Variants in DLGAP2 observed in about 807,000 individuals in gnomAD.
DLGAP2 encodes the protein DLG associated protein 2.
DLGAP2 carries 26 observed loss-of-function variants against 100.3 expected under a neutral mutation model. The ratio of observed to expected loss-of-function variants is 0.26; its 90% confidence interval spans 0.19 to 0.36. The LOEUF is 0.36. Among genes scored for constraint, DLGAP2 ranks in the 10% least tolerant of loss-of-function variants. DLGAP2 has a pLI of 1.00. For synonymous variants in DLGAP2, 886 were observed against 630.1 expected (o/e 1.41, Z -6.08); for missense variants, 1,858 against 1,453.2 (o/e 1.28, Z -4.53).
intron 3 of DLGAP2, among the ~76,000 whole-genome samples, chr8:1,468,560 T>A (rs1798693330): frequency 6.6e-6 from 1 of 152,222 alleles, no homozygotes; most frequent in South Asian, 2.1e-4. Context: ...TCCCAAGCCT[T>A]AGGCTCCTGG....
chr8:1,195,262 C>G (rs1182945085), intron 2 of DLGAP2, among the ~76,000 whole-genome samples: 2 of 152,232 alleles, frequency 1.3e-5, no homozygotes, highest in Non-Finnish European at 2.9e-5. Context: ...CTGCCTCCCG[C>G]TGGCCAAGCA....
rs1221231815 is a variant in DLGAP2, at chr8:1,705,974, C to G, written c.*4568C>G. 6.6e-6 allele frequency: 1 copy of G among 152,208 alleles called. No homozygotes were observed. The highest frequency in any genetic ancestry group is 2.4e-5 in the African/African-American group (1 of 41,438). 9.4% of individuals were successfully genotyped at this position (152,208 alleles called of 1,614,324 possible). A position where few individuals can be genotyped will look rare whatever the true frequency, so the allele number is the denominator to read the frequency against. The stretch of plus-strand genomic sequence containing the variant: ...TCAATGCAGTGTGCTTCATTCAGGG[C>G]CATGTGGCAGCCATGACACACACCA... On this transcript the variant is annotated 3_prime_UTR_variant, in exon 15 of 15. Coordinates refer to ENST00000637795, the MANE Select transcript of DLGAP2 (RefSeq NM_001346810.2).
At chr8:847,800 C>T (rs35388027) in intron 1 of DLGAP2, among the ~76,000 whole-genome samples, 38,038 of 152,126 alleles carry the variant, frequency 0.25, 5,570 homozygotes, top group East Asian at 0.76. Context: ...TGAGTCACTG[C>T]GCCTGGCCTT....
At chr8:836,059 T>G (rs1306970198) in intron 1 of DLGAP2, among the ~76,000 whole-genome samples, 1 of 152,184 alleles carries the variant, frequency 6.6e-6, no homozygotes, top group Non-Finnish European at 1.5e-5. Flanking sequence ...AATGCCGAGA[T>G]GTAAAGGACA....
chr8:1,190,250 A>G (rs1044617283), intron 2 of DLGAP2, among the ~76,000 whole-genome samples: 1 of 152,162 alleles, frequency 6.6e-6, no homozygotes, highest in African/African-American at 2.4e-5. Context: ...CTCCAAGTCC[A>G]CGGCACTCCC....
At chr8:842,036 C>A (rs1483594266) in intron 1 of DLGAP2, among the ~76,000 whole-genome samples, 2 of 152,150 alleles carry the variant, frequency 1.3e-5, no homozygotes. Flanking sequence ...TTCTCACATG[C>A]TCCCCTGTGT....
In DLGAP2 at chr8:1,480,584, TCA is replaced by T. The variant is rs1333841257; in HGVS notation, c.107-20778_107-20777del. On this transcript the variant is annotated intron_variant, in intron 3 of 14. Coordinates refer to ENST00000637795, the MANE Select transcript of DLGAP2 (RefSeq NM_001346810.2). ...AAAAGAACAGGCTGGACGCAGTGGC[TCA>T]CACCTGTAATCCCAGCACTTTGGGA... 4.6e-5 allele frequency among the ~76,000 whole-genome samples: 7 copies of T among 152,150 alleles called. No homozygotes were observed. The South Asian group carries it at 1.0e-3, about 23-fold the overall frequency.
At chr8:1,207,960 A>T (rs1197669613) in intron 2 of DLGAP2, among the ~76,000 whole-genome samples, 1 of 151,842 alleles carries the variant, frequency 6.6e-6, no homozygotes, top group Non-Finnish European at 1.5e-5. Context: ...AAGATTCTGG[A>T]TATGAGTCCT....
At chr8:848,891 ACGCGCGGTGCCTGTTC>A in intron 1 of DLGAP2, among the ~76,000 whole-genome samples, 1 of 99,640 alleles carries the variant, frequency 1.0e-5, no homozygotes, top group Middle Eastern at 7.1e-3. Context: ...CAGCATAGGA[ACGCGCGGTGCCTGTTC>A]CAGCATAGGA....
chr8:1,226,476 G>T (rs138604831), intron 2 of DLGAP2, among the ~76,000 whole-genome samples: 2 of 152,260 alleles, frequency 1.3e-5, no homozygotes, highest in East Asian at 3.9e-4. Flanking sequence ...CCTGTCAGGG[G>T]GCAAGGGGGA....
At chr8:1,179,195 G>A (rs796307587) in intron 2 of DLGAP2, among the ~76,000 whole-genome samples, 37 of 152,368 alleles carry the variant, frequency 2.4e-4, no homozygotes, top group African/African-American at 8.9e-4. Context: ...AAATGGCAAA[G>A]CCTGTTGTTT....
intron 6 of DLGAP2, among the ~76,000 whole-genome samples, chr8:1,608,884 A>T (rs1224343602): frequency 6.6e-6 from 1 of 151,720 alleles, no homozygotes; most frequent in Non-Finnish European, 1.5e-5. Context: ...GAAATATGGG[A>T]CTATGTGAAA....
intron 3 of DLGAP2, among the ~76,000 whole-genome samples, chr8:1,372,228 ACCGTGGTG>A (rs1802256832): frequency 1.1e-5 from 1 of 88,030 alleles, no homozygotes; most frequent in Non-Finnish European, 2.7e-5. Context: ...GACGCTGGTC[ACCGTGGTG>A]CCAACGCTGG....
chr8:1,413,353 T>C (rs1796788855), intron 3 of DLGAP2, among the ~76,000 whole-genome samples: 1 of 152,222 alleles, frequency 6.6e-6, no homozygotes. Context: ...GAATTACTAT[T>C]GTAATATAAA....
chr8:1,255,503 G>A (rs548874594), intron 2 of DLGAP2, among the ~76,000 whole-genome samples: 201 of 127,710 alleles, frequency 1.6e-3, no homozygotes, highest in South Asian at 4.8e-3. Context: ...TCTTGCCCGG[G>A]CGCTGTGTGT....
intron 1 of DLGAP2, among the ~76,000 whole-genome samples, chr8:856,776 G>A (rs1414161529): frequency 1.3e-5 from 2 of 152,188 alleles, no homozygotes; most frequent in Non-Finnish European, 2.9e-5. Flanking sequence ...AGGAAAATCC[G>A]TGCTGTTGAG....
chr8:1,347,454 T>C (rs1365507620), intron 3 of DLGAP2, among the ~76,000 whole-genome samples: 1 of 151,848 alleles, frequency 6.6e-6, no homozygotes, highest in Non-Finnish European at 1.5e-5. Flanking sequence ...GGAAGTTGAG[T>C]TCCCATACAG....
intron 8 of DLGAP2, among the ~76,000 whole-genome samples, chr8:1,655,277 T>C (rs1459930416): frequency 6.6e-6 from 1 of 152,240 alleles, no homozygotes; most frequent in Non-Finnish European, 1.5e-5. Context: ...GCTTTGATCC[T>C]CTATGTTGAA....
intron 2 of DLGAP2, among the ~76,000 whole-genome samples, chr8:943,521 A>G (rs1343149230): frequency 6.6e-6 from 1 of 152,196 alleles, no homozygotes; most frequent in Non-Finnish European, 1.5e-5. Flanking sequence ...CGCTGTGTAC[A>G]AGATCATGTG....
Sources: allele counts gnomAD v4.1 joint callset (sites outside exome capture counted in the v4.1 genomes callset), GRCh38; gene constraint gnomAD v4.1.1; transcripts MANE v1.5; gene names NCBI Gene and HGNC (gene_info 2026-07-23, HGNC 2026-07-21).